Variants in GRIK2 observed in about 807,000 individuals in gnomAD.
The protein encoded by GRIK2 is glutamate receptor ionotropic, kainate 2.
Under a neutral mutation model 100.3 loss-of-function variants are expected in GRIK2, and 32 were observed. The ratio of observed to expected loss-of-function variants is 0.32; its 90% CI spans 0.24 to 0.43. GRIK2 has a LOEUF of 0.43. Among genes scored for constraint, GRIK2 ranks in the 20% least tolerant of loss-of-function variants. The pLI is 1.00. For synonymous variants in GRIK2, 417 were observed against 389.4 expected, an observed-to-expected ratio of 1.07 and a Z score of -0.83; for missense variants, 843 against 1,114.9, an observed-to-expected ratio of 0.76 and a Z score of 3.47.
chr6:101,602,965 A>T (rs1433246626), intron 2 of GRIK2, among the ~76,000 whole-genome samples: 2 of 151,712 alleles, frequency 1.3e-5, no homozygotes, highest in Non-Finnish European at 3.0e-5. Context: ...TATATCTTCT[A>T]CTTTCTTATA....
chr6:101,521,425 A>T (rs1198286207), intron 2 of GRIK2, among the ~76,000 whole-genome samples: 1 of 151,918 alleles, frequency 6.6e-6, no homozygotes, highest in Admixed American at 6.6e-5. Flanking sequence ...TTTGTTTCAG[A>T]AATTAACCAT....
At chr6:101,807,182 AG>A (rs1275080921) in intron 9 of GRIK2, among the ~76,000 whole-genome samples, 5 of 151,910 alleles carry the variant, frequency 3.3e-5, no homozygotes, top group African/African-American at 1.2e-4. Context: ...ACATGAGGAC[AG>A]GGAAAGACAA....
chr6:101,890,008 A>G lies in GRIK2; in HGVS notation c.1748+145A>G, dbSNP rs1786937997. On this transcript the variant is annotated intron_variant, in intron 12 of 16. Transcript: ENST00000369134. ...GAAATAATGAAATTTTAAGAATCAC[A>G]TTCATTTATTAAAATGTACTGTCCT... is the stretch of plus-strand genomic sequence containing the variant. 8.2e-5 allele frequency: 51 copies of G among 621,102 alleles called. No homozygotes were observed. In the South Asian group the frequency reaches 1.0e-3, roughly 12 times the overall value. The allele number at this position is 621,102 out of a possible 1,614,324, so 38.5% of individuals were successfully genotyped here. A position where few individuals can be genotyped will look rare whatever the true frequency, so the allele number is the denominator to read the frequency against.
chr6:101,495,670 A>AATAAATGTT (rs1362773109), intron 2 of GRIK2, among the ~76,000 whole-genome samples: 1 of 152,182 alleles, frequency 6.6e-6, no homozygotes, highest in Non-Finnish European at 1.5e-5. Context: ...GGAATTACTG[A>AATAAATGTT]ATAAATGTTA....
chr6:102,005,766 T>G (rs185865436), intron 14 of GRIK2, among the ~76,000 whole-genome samples: 1 of 152,132 alleles, frequency 6.6e-6, no homozygotes, highest in African/African-American at 2.4e-5. Context: ...TACTTTGGTA[T>G]GGCTACTATA....
At chr6:101,733,619 C>T (rs1229902467) in intron 7 of GRIK2, among the ~76,000 whole-genome samples, 9 of 151,408 alleles carry the variant, frequency 5.9e-5, no homozygotes, top group Admixed American at 5.3e-4. Flanking sequence ...TTCTCTCTCT[C>T]TCTGGTAATA....
intron 2 of GRIK2, among the ~76,000 whole-genome samples, chr6:101,472,972 T>C (rs922306818): frequency 6.6e-6 from 1 of 151,746 alleles, no homozygotes; most frequent in Non-Finnish European, 1.5e-5. Flanking sequence ...TCATGTCTTG[T>C]GTCTACTTGG....
At chr6:101,809,116 A>G (rs776236357) in intron 9 of GRIK2, among the ~76,000 whole-genome samples, 2 of 151,836 alleles carry the variant, frequency 1.3e-5, no homozygotes, top group Non-Finnish European at 1.5e-5. Flanking sequence ...CTTCATTTTA[A>G]CTTTTAACAC....
At chr6:101,776,488 T>C (rs1008808928) in intron 7 of GRIK2, among the ~76,000 whole-genome samples, 1 of 152,124 alleles carries the variant, frequency 6.6e-6, no homozygotes, top group African/African-American at 2.4e-5. Flanking sequence ...TTTCTAGTAA[T>C]ATGAATGTTA....
intron 7 of GRIK2, among the ~76,000 whole-genome samples, chr6:101,705,019 A>G (rs1562322888): frequency 6.8e-6 from 1 of 147,058 alleles, no homozygotes; most frequent in Non-Finnish European, 1.5e-5. Flanking sequence ...TTATATTTAT[A>G]TATTATATTA....
chr6:101,821,797 A>C (rs1217388927), intron 10 of GRIK2, among the ~76,000 whole-genome samples: 2 of 151,826 alleles, frequency 1.3e-5, no homozygotes, highest in African/African-American at 2.4e-5. Context: ...ATTTTTGGAG[A>C]AATTATGATT....
At chr6:101,871,833 T>C (rs1785439129) in intron 11 of GRIK2, among the ~76,000 whole-genome samples, 1 of 151,970 alleles carries the variant, frequency 6.6e-6, no homozygotes, top group Non-Finnish European at 1.5e-5. Flanking sequence ...AGTTCTGTGA[T>C]GAACATACAG....
intron 4 of GRIK2, among the ~76,000 whole-genome samples, chr6:101,668,532 A>G (rs1770197780): frequency 6.7e-6 from 1 of 149,884 alleles, no homozygotes; most frequent in Admixed American, 6.8e-5. Flanking sequence ...GAAAGGCCAT[A>G]CTTTGGCTTC....
chr6:101,480,604 T>G (rs974866271), intron 2 of GRIK2, among the ~76,000 whole-genome samples: 1 of 152,140 alleles, frequency 6.6e-6, no homozygotes, highest in Admixed American at 6.6e-5. Flanking sequence ...CAAAGAAAAT[T>G]TCCTCCCTAA....
intron 14 of GRIK2, among the ~76,000 whole-genome samples, chr6:101,942,077 G>A (rs1790990025): frequency 6.6e-6 from 1 of 151,976 alleles, no homozygotes; most frequent in Non-Finnish European, 1.5e-5. Flanking sequence ...CACGATGATG[G>A]ATGCTCTAGC....
chr6:101,999,795 A>G (rs74390091), intron 14 of GRIK2, among the ~76,000 whole-genome samples: 2,623 of 152,160 alleles, frequency 0.017, 31 homozygotes, highest in Non-Finnish European at 0.026. Context: ...TAAGTATATT[A>G]GCTTCAGGTT....
At chr6:101,791,682 T>C (rs1779870813) in intron 7 of GRIK2, among the ~76,000 whole-genome samples, 1 of 152,156 alleles carries the variant, frequency 6.6e-6, no homozygotes, top group Non-Finnish European at 1.5e-5. Context: ...ATGTATATTC[T>C]GTTGATTTGG....
chr6:102,004,418 G>A (rs1795105907), intron 14 of GRIK2, among the ~76,000 whole-genome samples: 1 of 151,344 alleles, frequency 6.6e-6, no homozygotes, highest in African/African-American at 2.4e-5. Flanking sequence ...GGTAGGGGAT[G>A]CCTCAAAGTA....
chr6:101,935,118 CAT>C (rs930487555), intron 14 of GRIK2, among the ~76,000 whole-genome samples: 2 of 151,890 alleles, frequency 1.3e-5, no homozygotes, highest in African/African-American at 4.8e-5. Context: ...TTAGTTTGCA[CAT>C]GTTTACTATT....
Sources: allele counts gnomAD v4.1 joint callset (sites outside exome capture counted in the v4.1 genomes callset), GRCh38; gene constraint gnomAD v4.1.1; transcripts MANE v1.5; gene names NCBI Gene and HGNC (gene_info 2026-07-23, HGNC 2026-07-21).